Variants in TTC23L observed in about 807,000 individuals in gnomAD.
TTC23L encodes tetratricopeptide repeat protein 23-like.
A neutral mutation model predicts 48.1 loss-of-function variants in TTC23L; 42 were observed. That is an observed-to-expected ratio of 0.87 (90% CI 0.68 to 1.13). The LOEUF (loss-of-function observed/expected upper bound fraction) is 1.13. Among genes scored for constraint, TTC23L ranks in the 50% most tolerant of loss-of-function variants. The pLI is 0.00. For synonymous variants in TTC23L, 159 were observed against 157.2 expected (o/e 1.01, Z -0.09); for missense variants, 391 against 421.0 (o/e 0.93, Z 0.62).
intron 8 of TTC23L, among the ~76,000 whole-genome samples, chr5:34,873,081 A>G (rs908892177): frequency 1.3e-5 from 2 of 152,202 alleles, no homozygotes; most frequent in African/African-American, 4.8e-5. Flanking sequence ...AAAAGAAAAA[A>G]AAAAAAGGAC....
chr5:34,893,682 G>A (rs1763018366), intron 9 of TTC23L, among the ~76,000 whole-genome samples: 1 of 152,280 alleles, frequency 6.6e-6, no homozygotes, highest in South Asian at 2.1e-4. Flanking sequence ...CACATAGTAA[G>A]CTTCTGTGAA....
At chr5:34,865,182 GAAGAAA>G (rs1204285858) in intron 6 of TTC23L, among the ~76,000 whole-genome samples, 1 of 152,170 alleles carries the variant, frequency 6.6e-6, no homozygotes. Flanking sequence ...CAGATTATTA[GAAGAAA>G]AAGAATAAAG....
chr5:34,902,081 C>CT (rs753720422), downstream of TTC23L, among the ~76,000 whole-genome samples: 6 of 152,276 alleles, frequency 3.9e-5, no homozygotes, highest in Non-Finnish European at 7.3e-5. Context: ...CTATAAATAA[C>CT]TTTAATTTTT....
the TTC23L span, chr5:34,914,747 A>G: frequency 1.9e-6 from 3 of 1,614,218 alleles, no homozygotes; most frequent in South Asian, 3.3e-5. Context: ...TGTTACTTTG[A>G]TACCATTTTT....
At chr5:34,897,199 A>G (rs1436297507) in intron 10 of TTC23L, among the ~76,000 whole-genome samples, 1 of 151,964 alleles carries the variant, frequency 6.6e-6, no homozygotes, top group Non-Finnish European at 1.5e-5. Flanking sequence ...AGCCTGGGAA[A>G]CACAGTGAAA....
At chr5:34,919,888 T>C in the TTC23L span, 35 of 1,120,682 alleles carry the variant, frequency 3.1e-5, no homozygotes, top group East Asian at 8.4e-4. Context: ...AACGAGGTAA[T>C]TTTGGAAAGT....
chr5:34,918,610 G>T, the TTC23L span: 1 of 482,032 alleles, frequency 2.1e-6, no homozygotes, highest in South Asian at 5.0e-5. Context: ...CCTTTCAAGT[G>T]CCACAATTTT....
intron 6 of TTC23L, 72 bp from the exon 7 acceptor site, chr5:34,866,820 A>T (rs1761080645): frequency 4.3e-6 from 6 of 1,401,436 alleles, no homozygotes; most frequent in Non-Finnish European, 5.7e-6. Context: ...TAATTCTTGG[A>T]ATCAGTTCCT....
chr5:34,913,619 TA>T, the TTC23L span: 1 of 1,193,046 alleles, frequency 8.4e-7, no homozygotes, highest in Non-Finnish European at 1.2e-6. Flanking sequence ...CATAAAAGAA[TA>T]AAAACTAATA....
At chr5:34,915,752 A>G in the TTC23L span, 12 of 1,603,580 alleles carry the variant, frequency 7.5e-6, no homozygotes, top group East Asian at 2.7e-4. Context: ...GCGGCAACCA[A>G]GAGGAAACGG....
intron 8 of TTC23L, among the ~76,000 whole-genome samples, chr5:34,872,984 G>A (rs1168263180): frequency 2.0e-5 from 3 of 151,876 alleles, no homozygotes; most frequent in Non-Finnish European, 4.4e-5. Flanking sequence ...ACTTGCTTGA[G>A]CCCAGGAGGC....
intron 8 of TTC23L, among the ~76,000 whole-genome samples, chr5:34,870,382 A>G (rs767500751): frequency 6.6e-6 from 1 of 152,210 alleles, no homozygotes; most frequent in Non-Finnish European, 1.5e-5. Flanking sequence ...ACAAAGTACC[A>G]TAAATAAAAG....
intron 10 of TTC23L, 137 bp downstream of exon 10, chr5:34,897,012 G>C: frequency 5.1e-6 from 2 of 391,456 alleles, no homozygotes. Flanking sequence ...ATCATTTAAG[G>C]AAAAAAAAAA....
the TTC23L span, among the ~76,000 whole-genome samples, chr5:34,919,162 G>A: frequency 2.0e-5 from 3 of 149,656 alleles, no homozygotes; most frequent in Non-Finnish European, 4.4e-5. Flanking sequence ...TGCAGTCCCA[G>A]CTACTCAGGA....
chr5:34,911,801 C>T, the TTC23L span: 19 of 1,614,074 alleles, frequency 1.2e-5, no homozygotes, highest in East Asian at 6.7e-5. Context: ...ATTCGAAGTG[C>T]AGTTAAAGTC....
rs76721825 is a variant in TTC23L at position 34,864,248 on chromosome 5, C to A, written c.537-189C>A. On this transcript the variant is annotated intron_variant, in intron 5 of 10. Coordinates refer to ENST00000505624, the Ensembl canonical transcript of TTC23L. ...AGGCAACCACCACAGGAAACCCAAG[C>A]CCCTGTTCCTTTTCTAAAGAATTCT... Among the ~76,000 whole-genome samples the A allele has an allele frequency of 7.9e-3, 1,202 of 152,278 alleles. 12 individuals carry two copies. Among genetic ancestry groups the A allele is most frequent in the African/African-American group, 0.025 (1,021 of 41,560 alleles).
Position 34,862,880 on chromosome 5 carries a change from AC to A in TTC23L, c.380-15del, listed in dbSNP as rs750215899. ...TTTAATGTCTGTCTTCTTGCTCCTC[AC>A]CCTCTAACTCCCCCAGGCCTCCCAG... On this transcript the variant is annotated splice_polypyrimidine_tract_variant and intron_variant, in intron 4 of 10. Coordinates refer to ENST00000505624, the Ensembl canonical transcript of TTC23L. The A allele has an allele frequency of 2.5e-6, 4 of 1,612,664 alleles. No homozygotes were observed. Among genetic ancestry groups the A allele is most frequent in the Non-Finnish European group, 3.4e-6 (4 of 1,179,360 alleles).
intron 6 of TTC23L, 68 bp from the exon 7 acceptor site, chr5:34,866,824 A>G: frequency 7.1e-7 from 1 of 1,411,424 alleles, no homozygotes; most frequent in Non-Finnish European, 9.5e-7. Flanking sequence ...TCTTGGAATC[A>G]GTTCCTTTTG....
chr5:34,908,674 A>G, the TTC23L span: 1 of 1,196,256 alleles, frequency 8.4e-7, no homozygotes, highest in African/African-American at 1.5e-5. Flanking sequence ...CTCTATAGAA[A>G]ATCCAATATG....
Sources: gnomAD v4.1 joint callset for allele counts (sites outside exome capture counted in the v4.1 genomes callset) on GRCh38, gnomAD v4.1.1 for gene constraint, MANE v1.5 for transcripts, NCBI Gene and HGNC (gene_info 2026-07-23, HGNC 2026-07-21) for gene names.